USH2A: variants seen among roughly 807,000 people sequenced by gnomAD.
USH2A encodes the protein usherin, also known as Usher syndrome 2A (autosomal recessive, mild).
Under a neutral mutation model 538.9 loss-of-function variants are expected in USH2A, and 443 were observed. The ratio of observed to expected loss-of-function variants is 0.82; its 90% CI spans 0.76 to 0.89. USH2A has a LOEUF of 0.89. Among genes scored for constraint, USH2A ranks in the 40% least tolerant of loss-of-function variants. The probability of loss-of-function intolerance (pLI) is 0.00; values close to 1 mark genes in which losing one functional copy is unlikely to be tolerated. For missense variants in USH2A, 6,633 were observed against 6,324.8 expected (o/e 1.05, Z -1.65); for synonymous variants, 2,413 against 2,273.5 (o/e 1.06, Z -1.75).
intron 11 of USH2A, among the ~76,000 whole-genome samples, chr1:216,274,067 A>T (rs1372407662): frequency 4.6e-5 from 7 of 152,114 alleles, no homozygotes; most frequent in Non-Finnish European, 1.5e-5. Flanking sequence ...GATTCTTATG[A>T]ACACTAACAT....
At position 216,305,701 on chromosome 1, in the gene USH2A, C is replaced by G. The variant is rs547697825; in HGVS notation, c.1645-13331G>C. 5.3e-5 allele frequency among the ~76,000 whole-genome samples: 8 copies of G among 152,108 alleles called. No homozygotes were observed. In the East Asian group the frequency reaches 1.5e-3, roughly 29 times the overall value. On this transcript the variant is annotated intron_variant, in intron 9 of 71. Coordinates refer to ENST00000307340, the MANE Select transcript of USH2A (RefSeq NM_206933.4). ...CTTTTAGCAGTTCTTGTAGTGCTAG[C>G]TTGGTGGTGATAAGTTCTCTAAACA...
At chr1:216,054,132 C>T (rs1455451317) in intron 30 of USH2A, among the ~76,000 whole-genome samples, 3 of 152,150 alleles carry the variant, frequency 2.0e-5, no homozygotes, top group Non-Finnish European at 4.4e-5. Flanking sequence ...GTATGGTTTA[C>T]CAAAAGTTAG....
Position 215,632,329 on chromosome 1 carries a change from G to C in USH2A, c.15297+2130C>G, listed in dbSNP as rs538528980. Among the ~76,000 whole-genome samples the C allele has an allele frequency of 9.2e-5, 14 of 152,266 alleles. No individual in the cohort carries two copies. The South Asian group carries it at 2.3e-3, about 25-fold the overall frequency. ...TGTGATGCTGATGCAGATAGTTCAT[G>C]GTCCTCACTTTGACAAAACGAAGCT... On this transcript the variant is annotated intron_variant, in intron 70 of 71. Transcript: ENST00000307340.
chr1:215,728,435 A>C, intron 60 of USH2A, 51 bp from the exon 61 acceptor site: 4 of 1,550,664 alleles, frequency 2.6e-6, no homozygotes, highest in Non-Finnish European at 3.6e-6. Flanking sequence ...CTTCAAAACA[A>C]AGTTTGTAGA....
intron 14 of USH2A, 114 bp from the exon 15 acceptor site, chr1:216,217,664 A>G (rs2035369362): frequency 2.4e-6 from 3 of 1,251,032 alleles, no homozygotes; most frequent in East Asian, 5.1e-5. Flanking sequence ...TTTAGCCAAT[A>G]TATTGAAAAG....
At chr1:216,399,058 C>T (rs978754193) in intron 3 of USH2A, among the ~76,000 whole-genome samples, 2 of 152,156 alleles carry the variant, frequency 1.3e-5, no homozygotes, top group African/African-American at 4.8e-5. Context: ...TAAACCATCT[C>T]CACCACCCCT....
Position 215,993,150 on chromosome 1 carries a change from C to G in USH2A, c.6675G>C (p.Gly2225=). 1 of 1,613,988 alleles carries G rather than the reference C, an allele frequency of 6.2e-7. No homozygotes were observed. Among genetic ancestry groups the G allele is most frequent in the Non-Finnish European group, 8.5e-7 (1 of 1,179,972 alleles). The change falls in exon 35 of 72, where the codon GGG becomes GGC. Residue 2225 remains glycine, a synonymous_variant. Coordinates refer to ENST00000307340, the MANE Select transcript of USH2A (RefSeq NM_206933.4). ...LIKLGACTGG[G]CTVSEASEAL... Reference sequence around the variant, plus strand: ...CCTCACTGGCCTCACTCACTGTGCACCCACCACCTGTGCAAGCCTAAACAG... The same window carrying G: ...CCTCACTGGCCTCACTCACTGTGCAGCCACCACCTGTGCAAGCCTAAACAG...
intron 61 of USH2A, among the ~76,000 whole-genome samples, chr1:215,697,959 T>A (rs1658872750): frequency 6.6e-6 from 1 of 152,330 alleles, no homozygotes; most frequent in Admixed American, 6.5e-5. Context: ...GTATTTCTCC[T>A]AATGTTACCC....
At position 215,998,762 on chromosome 1, in the gene USH2A, A is replaced by T. The variant is rs1249929698; in HGVS notation, c.6657+125T>A. ...GGATGGGAAGAGAGTTTTCAGTATA[A>T]ACAGCAATACATGAAGATTTTGACT... On this transcript the variant is annotated intron_variant, in intron 34 of 71. Coordinates refer to ENST00000307340, the MANE Select transcript of USH2A (RefSeq NM_206933.4). 2.9e-6 allele frequency: 3 copies of T among 1,028,138 alleles called. No homozygotes were observed. The African/African-American group carries it at 4.9e-5, about 17-fold the overall frequency. The allele number at this position is 1,028,138 out of a possible 1,614,324, so 63.7% of individuals were successfully genotyped here.
chr1:216,242,881 C>A lies in USH2A; in HGVS notation c.2809+3704G>T, dbSNP rs573133699. Among the ~76,000 whole-genome samples the A allele has an allele frequency of 9.7e-4, 148 of 152,226 alleles. 1 individual carries two copies. Among genetic ancestry groups the A allele is most frequent in the South Asian group, 1.2e-3 (6 of 4,824 alleles). On this transcript the variant is annotated intron_variant, in intron 13 of 71. Coordinates refer to ENST00000307340, the MANE Select transcript of USH2A (RefSeq NM_206933.4). The stretch of plus-strand genomic sequence containing the variant: ...TATATTTATTTGCAAATTATTCTGT[C>A]AGTTTCCCCATCAAAATTTAAGCTC...
intron 43 of USH2A, among the ~76,000 whole-genome samples, chr1:215,873,294 G>A (rs1201417659): frequency 1.3e-5 from 2 of 152,242 alleles, no homozygotes; most frequent in Non-Finnish European, 2.9e-5. Flanking sequence ...CCATATTAAG[G>A]AATAAATTAA....
rs149678627 is a variant in USH2A at position 216,376,139 on chromosome 1, C to A, written c.652-11054G>T. Among the ~76,000 whole-genome samples, 61 of 152,230 alleles carry A rather than the reference C, an allele frequency of 4.0e-4. 1 individual carries two copies. The highest frequency in any genetic ancestry group is 1.4e-3 in the African/African-American group (60 of 41,526). On this transcript the variant is annotated intron_variant, in intron 3 of 71. Coordinates refer to ENST00000307340, the MANE Select transcript of USH2A (RefSeq NM_206933.4). ...ATGTGAAGCATACACAAAACGAGCACATGCTGTTGGAAAAATAGCACTAAT... is the reference window on the plus strand; with the variant it reads ...ATGTGAAGCATACACAAAACGAGCAAATGCTGTTGGAAAAATAGCACTAAT...
At chr1:215,871,636 G>T (rs954895786) in intron 43 of USH2A, among the ~76,000 whole-genome samples, 22 of 151,882 alleles carry the variant, frequency 1.4e-4, no homozygotes, top group Non-Finnish European at 5.9e-5. Context: ...CAATATGCCA[G>T]GTGTTAAAAA....
At chr1:216,069,106 T>G (rs1222141623) in intron 30 of USH2A, among the ~76,000 whole-genome samples, 2 of 152,120 alleles carry the variant, frequency 1.3e-5, no homozygotes, top group Non-Finnish European at 2.9e-5. Flanking sequence ...AAAGTGGGGT[T>G]GAGCATTTTT....
At chr1:216,199,006 A>G (rs1262449270) in intron 17 of USH2A, among the ~76,000 whole-genome samples, 1 of 152,136 alleles carries the variant, frequency 6.6e-6, no homozygotes, top group Non-Finnish European at 1.5e-5. Flanking sequence ...GGAGGTTTTA[A>G]TTTAACTTGT....
chr1:216,048,775 C>A, intron 30 of USH2A, 128 bp from the exon 31 acceptor site: 1 of 822,444 alleles, frequency 1.2e-6, no homozygotes, highest in Non-Finnish European at 2.1e-6. Context: ...AGACAGAAAT[C>A]AAAAACATAT....
intron 9 of USH2A, among the ~76,000 whole-genome samples, chr1:216,315,229 A>G (rs2102642528): frequency 6.6e-6 from 1 of 152,306 alleles, no homozygotes; most frequent in South Asian, 2.1e-4. Context: ...TTTGATACTT[A>G]TAATGGATTT....
intron 65 of USH2A, among the ~76,000 whole-genome samples, chr1:215,649,276 T>C (rs796070561): frequency 1.8e-4 from 27 of 152,330 alleles, no homozygotes; most frequent in African/African-American, 6.3e-4. Flanking sequence ...TGAAAGTCTA[T>C]CTCTTCCTCT....
At chr1:216,190,167 T>C in intron 20 of USH2A, 56 bp downstream of exon 20, 1 of 1,607,582 alleles carries the variant, frequency 6.2e-7, no homozygotes, top group Non-Finnish European at 8.5e-7. Context: ...TTGAATATTA[T>C]AAGTTTTTTT....
Sources: allele counts gnomAD v4.1 joint callset (sites outside exome capture counted in the v4.1 genomes callset), GRCh38; gene constraint gnomAD v4.1.1; transcripts MANE v1.5; gene names NCBI Gene and HGNC (gene_info 2026-07-23, HGNC 2026-07-21).